The following LRSAM1 variants were observed in gnomAD, a reference collection of about 807,000 sequenced individuals.
LRSAM1 encodes E3 ubiquitin-protein ligase LRSAM1.
Under a neutral mutation model 118.1 loss-of-function variants are expected in LRSAM1, and 96 were observed. The ratio of observed to expected loss-of-function variants is 0.81; its 90% CI spans 0.69 to 0.96. The LOEUF (loss-of-function observed/expected upper bound fraction) is 0.96, where lower values mean the gene tolerates loss of function less well. LRSAM1 is among the 40% of genes least tolerant of loss of function. The pLI is 0.00. For synonymous variants in LRSAM1, 322 were observed against 364.2 expected, an observed-to-expected ratio of 0.88 and a Z score of 1.32; for missense variants, 804 against 915.5, an observed-to-expected ratio of 0.88 and a Z score of 1.57.
chr9:127,487,131 C>T (rs954547115), intron 17 of LRSAM1, among the ~76,000 whole-genome samples: 72 of 151,260 alleles, frequency 4.8e-4, no homozygotes, highest in Non-Finnish European at 1.6e-4. Flanking sequence ...TTGCAGTGAG[C>T]CACGATCACA....
At chr9:127,482,877 GTGGTGTT>G in intron 15 of LRSAM1, 66 bp from the exon 16 acceptor site, 3 of 1,396,738 alleles carry the variant, frequency 2.1e-6, no homozygotes, top group Non-Finnish European at 3.0e-6. Flanking sequence ...CCTGGAGGAG[GTGGTGTT>G]CATCTGCTGG....
rs149133457 is a variant in LRSAM1 at position 127,477,774 on chromosome 9, G to A, written c.751-1160G>A. 3.0e-3 allele frequency among the ~76,000 whole-genome samples: 452 copies of A among 151,890 alleles called. 5 individuals carry two copies. The highest frequency in any genetic ancestry group is 0.011 in the African/African-American group (439 of 41,414). ...AAGAAAAAACTTGTGTGGGCCGGGCGCAGTGGCTCATGCCTATAATCCCAG... is the reference window on the plus strand; with the variant it reads ...AAGAAAAAACTTGTGTGGGCCGGGCACAGTGGCTCATGCCTATAATCCCAG... On this transcript the variant is annotated intron_variant, in intron 11 of 25. Coordinates refer to ENST00000300417, the MANE Select transcript of LRSAM1 (RefSeq NM_001005373.4).
At chr9:127,460,470 T>G (rs1834693744) in intron 7 of LRSAM1, among the ~76,000 whole-genome samples, 1 of 152,208 alleles carries the variant, frequency 6.6e-6, no homozygotes, top group Non-Finnish European at 1.5e-5. Context: ...GGCAGCCTTT[T>G]CCTTAAGGCC....
rs1836082937 is a variant in LRSAM1, at chr9:127,495,212, C to T, written c.1600-108C>T. On this transcript the variant is annotated intron_variant, in intron 21 of 25. Transcript: ENST00000300417. ...AGGTGATCTGCCCACCTTGGCCCCC[C>T]AAAGTGCTGGGATTACAGGCATGAG... 5.9e-6 allele frequency: 6 copies of T among 1,010,476 alleles called. No individual in the cohort carries two copies. The Admixed American group carries it at 1.2e-4, about 20-fold the overall frequency. The allele number at this position is 1,010,476 out of a possible 1,614,324, so 62.6% of individuals were successfully genotyped here. A position where few individuals can be genotyped will look rare whatever the true frequency, so the allele number is the denominator to read the frequency against.
intron 10 of LRSAM1, 110 bp downstream of exon 10, chr9:127,467,940 T>C: frequency 3.7e-6 from 4 of 1,069,864 alleles, no homozygotes; most frequent in South Asian, 1.3e-5. Context: ...CCACAGTGCC[T>C]ACCTGCTTGG....
rs1317890678 is a variant in LRSAM1 at position 127,481,243 on chromosome 9, G to A, written c.1088+16G>A. On this transcript the variant is annotated intron_variant, in intron 15 of 25. Coordinates refer to ENST00000300417, the MANE Select transcript of LRSAM1 (RefSeq NM_001005373.4). ...AAAATGAAAGGTAAGTGTTCTTCCAGGGGAGGGCAGCATTTTTTTTTTTTT... is the reference window on the plus strand; with the variant it reads ...AAAATGAAAGGTAAGTGTTCTTCCAAGGGAGGGCAGCATTTTTTTTTTTTT... 1.2e-6 allele frequency: 2 copies of A among 1,612,164 alleles called. No individual in the cohort carries two copies. The highest frequency in any genetic ancestry group is 1.1e-5 in the South Asian group (1 of 91,048).
rs1379538396 is a variant in LRSAM1, at chr9:127,495,829, C to T, written c.1699-135C>T. On this transcript the variant is annotated intron_variant, in intron 22 of 25. Transcript: ENST00000300417. ...TATCTATCTATCTCTGTGTGCCTAC[C>T]TATGAGTTTTTGTAGGAAAAATCCC... 14 of 1,325,128 alleles carry T rather than the reference C, an allele frequency of 1.1e-5. No homozygotes were observed. In the African/African-American group the frequency reaches 1.7e-4, roughly 17 times the overall value. The allele number at this position is 1,325,128 out of a possible 1,614,324, so 82.1% of individuals were successfully genotyped here.
At position 127,501,050 on chromosome 9, in the gene LRSAM1, C is replaced by T; in HGVS notation, c.1953C>T (p.Ala651=). Residue 651 remains alanine, a synonymous_variant, in exon 25 of 26, where the codon GCC becomes GCT. Coordinates refer to ENST00000300417, the MANE Select transcript of LRSAM1 (RefSeq NM_001005373.4). ...TGGGTGAGGTCGTCACCCCTACGGC[C>T]CCCCAGGAGCCTCCTGAGTCTGTGA... ...PPMGEVVTPT[A]PQEPPESVRP... The T allele has an allele frequency of 6.2e-7, 1 of 1,614,008 alleles. No homozygotes were observed. Among genetic ancestry groups the T allele is most frequent in the Non-Finnish European group, 8.5e-7 (1 of 1,180,016 alleles).
At chr9:127,501,850 G>A (rs1364281961) in intron 25 of LRSAM1, among the ~76,000 whole-genome samples, 2 of 152,230 alleles carry the variant, frequency 1.3e-5, no homozygotes, top group African/African-American at 4.8e-5. Flanking sequence ...ACTTAGAAAA[G>A]CAGCCATGTT....
chr9:127,459,739 A>G (rs1462016709), intron 7 of LRSAM1, among the ~76,000 whole-genome samples: 3 of 151,736 alleles, frequency 2.0e-5, no homozygotes, highest in African/African-American at 7.3e-5. Context: ...TTGTATTTTC[A>G]GTAGAGACTT....
chr9:127,482,885 C>A, intron 15 of LRSAM1, 65 bp from the exon 16 acceptor site: 4 of 1,460,170 alleles, frequency 2.7e-6, no homozygotes, highest in Non-Finnish European at 3.8e-6. Context: ...AGGTGGTGTT[C>A]ATCTGCTGGG....
At chr9:127,472,991 G>A (rs1386464200) in intron 10 of LRSAM1, among the ~76,000 whole-genome samples, 2 of 152,126 alleles carry the variant, frequency 1.3e-5, no homozygotes, top group African/African-American at 4.8e-5. Context: ...CATCCCATGA[G>A]GAGTGGCTGG....
At chr9:127,476,322 T>C (rs545053269) in intron 11 of LRSAM1, among the ~76,000 whole-genome samples, 28 of 152,120 alleles carry the variant, frequency 1.8e-4, no homozygotes, top group African/African-American at 6.8e-4. Flanking sequence ...TCCATTCTTA[T>C]GTTTAAAAAG....
In LRSAM1 at chr9:127,455,198, G is replaced by C. The variant is rs1042698351; in HGVS notation, c.129+144G>C. ...AGATGTTTCCTTAGATTTTGTTCTC[G>C]TCCAAAATAATTGAAGATGATCCTT... On this transcript the variant is annotated intron_variant, in intron 4 of 25. Coordinates refer to ENST00000300417, the MANE Select transcript of LRSAM1 (RefSeq NM_001005373.4). 6 of 906,564 alleles carry C rather than the reference G, an allele frequency of 6.6e-6. No homozygotes were observed. In the South Asian group the frequency reaches 6.6e-5, roughly 10 times the overall value. The allele number at this position is 906,564 out of a possible 1,614,324, so 56.2% of individuals were successfully genotyped here.
In LRSAM1 at chr9:127,465,277, C is replaced by T. The variant is rs535053727; in HGVS notation, c.529-2463C>T. 1.3e-5 allele frequency among the ~76,000 whole-genome samples: 2 copies of T among 152,362 alleles called. No individual in the cohort carries two copies. Among genetic ancestry groups the T allele is most frequent in the East Asian group, 3.9e-4 (2 of 5,186 alleles). ...GCTCCTGCTGCCCACGATGAGAATG[C>T]TCTATGATCTGTGCAGCCAACATGG... On this transcript the variant is annotated intron_variant, in intron 9 of 25. Coordinates refer to ENST00000300417, the MANE Select transcript of LRSAM1 (RefSeq NM_001005373.4). This position sits in a 1 kb window ranked among gnomAD's most constrained non-coding sequence, Gnocchi z 4.1.
chr9:127,460,847 C>CTTTTT lies in LRSAM1; in HGVS notation c.322-304_322-300dup, dbSNP rs58140930. Among the ~76,000 whole-genome samples, 66 of 77,430 alleles carry CTTTTT rather than the reference C, an allele frequency of 8.5e-4. 7 individuals are homozygous for CTTTTT. Among genetic ancestry groups the CTTTTT allele is most frequent in the African/African-American group, 1.1e-3 (23 of 20,166 alleles). The allele number at this position is 77,430 out of a possible 152,430, so 50.8% of individuals were successfully genotyped here. On this transcript the variant is annotated intron_variant, in intron 7 of 25. Transcript: ENST00000300417. Reference sequence around the variant, plus strand: ...TCGTGTCACCTCTTCCTGTTTCTTTCTTTTTTTTTTTTTTTTTTTTTTTTT... The same window carrying CTTTTT: ...TCGTGTCACCTCTTCCTGTTTCTTTCTTTTTTTTTTTTTTTTTTTTTTTTTTTTTT...
At position 127,462,393 on chromosome 9, in the gene LRSAM1, T is replaced by C; in HGVS notation, c.528+20T>C. 1 of 1,613,652 alleles carries C rather than the reference T, an allele frequency of 6.2e-7. No homozygotes were observed. Among genetic ancestry groups the C allele is most frequent in the South Asian group, 1.1e-5 (1 of 91,064 alleles). Reference sequence around the variant, plus strand: ...CTGGAGGTAAATGGGAAGCTGTTCTTGCCTGGGGTGCTCTCTGGCCTGCCC... The same window carrying C: ...CTGGAGGTAAATGGGAAGCTGTTCTCGCCTGGGGTGCTCTCTGGCCTGCCC... On this transcript the variant is annotated intron_variant, in intron 9 of 25. Transcript: ENST00000300417.
chr9:127,495,345 C>T lies in LRSAM1; in HGVS notation c.1625C>T (p.Thr542Ile). 1 of 1,614,038 alleles carries T rather than the reference C, an allele frequency of 6.2e-7. No homozygotes were observed. The highest frequency in any genetic ancestry group is 8.5e-7 in the Non-Finnish European group (1 of 1,179,984). Reference protein sequence around the residue: ...ILTELEAKSETRQENYWLIQY... With the variant: ...ILTELEAKSEIRQENYWLIQY... ...ACGGAGTTAGAAGCCAAAAGTGAAACCAGGCAGGAAAATTACTGGCTGATT... is the reference window on the plus strand; with the variant it reads ...ACGGAGTTAGAAGCCAAAAGTGAAATCAGGCAGGAAAATTACTGGCTGATT... Residue 542 changes from threonine to isoleucine, a missense_variant, in exon 22 of 26, where the codon ACC (threonine) becomes ATC (isoleucine). Thr to Ile is a moderately conservative substitution (Grantham distance 89, BLOSUM62 -1). Transcript: ENST00000300417.
chr9:127,473,306 A>G (rs1040697903), intron 10 of LRSAM1, among the ~76,000 whole-genome samples: 2 of 152,262 alleles, frequency 1.3e-5, no homozygotes, highest in African/African-American at 4.8e-5. Flanking sequence ...ACAACATATT[A>G]TAGACCTAAG....
Sources: allele counts gnomAD v4.1 joint callset (sites outside exome capture counted in the v4.1 genomes callset), GRCh38; gene constraint gnomAD v4.1.1; non-coding constraint Gnocchi (gnomAD v3.1); transcripts MANE v1.5; gene names NCBI Gene and HGNC (gene_info 2026-07-23, HGNC 2026-07-21).